The following KAZN variants were observed in gnomAD, a reference collection of about 807,000 sequenced individuals.
KAZN encodes kazrin.
KAZN carries 40 observed loss-of-function variants against 87.4 expected under a neutral mutation model. The ratio of observed to expected loss-of-function variants is 0.46; its 90% confidence interval spans 0.36 to 0.60. The LOEUF (loss-of-function observed/expected upper bound fraction) is 0.60. Ranked by LOEUF, KAZN falls within the 20% of genes least tolerant of loss-of-function variation. The pLI, the probability that KAZN is intolerant of heterozygous loss-of-function variation, is 0.00. For missense variants in KAZN, 898 were observed against 1,073.9 expected, an observed-to-expected ratio of 0.84 and a Z score of 2.29; for synonymous variants, 466 against 458.3, an observed-to-expected ratio of 1.02 and a Z score of -0.22.
intron 1 of KAZN, among the ~76,000 whole-genome samples, chr1:14,942,049 G>A (rs987011973): frequency 3.9e-5 from 6 of 152,196 alleles, no homozygotes; most frequent in South Asian, 2.1e-4. Context: ...GTCCCAAGTC[G>A]TGTTACAATG....
chr1:14,331,579 A>ATACACAT (rs1471635901), intron 2 of KAZN, among the ~76,000 whole-genome samples: 2 of 152,194 alleles, frequency 1.3e-5, no homozygotes, highest in Non-Finnish European at 2.9e-5. Flanking sequence ...AATTGGGTTA[A>ATACACAT]TTATAAGCTG....
At position 14,081,775 on chromosome 1, in the gene KAZN, C is replaced by T. The variant is rs536854975; in HGVS notation, c.92-98660C>T. Among the ~76,000 whole-genome samples the T allele has an allele frequency of 5.3e-5, 8 of 152,120 alleles. No individual in the cohort carries two copies. In the South Asian group the frequency reaches 1.7e-3, roughly 32 times the overall value. On this transcript the variant is annotated intron_variant, in intron 1 of 16. Coordinates refer to the KAZN transcript ENST00000636203. ...GTTTTGTTTTGTTTGTTTTTTGAGA[C>T]ATAGTCTCATTCTTTTGTCCAGTCT...
chr1:15,113,334 A>G (rs1384764905), intron 14 of KAZN: 1 of 152,164 alleles, frequency 6.6e-6, no homozygotes, highest in Non-Finnish European at 1.5e-5. Flanking sequence ...GCACAAATGT[A>G]CATATGGTAC....
chr1:14,532,405 G>A (rs1672254325), intron 2 of KAZN, among the ~76,000 whole-genome samples: 1 of 151,918 alleles, frequency 6.6e-6, no homozygotes. Context: ...CTTCCAAAGG[G>A]CAATGATTGT....
intron 1 of KAZN, among the ~76,000 whole-genome samples, chr1:13,899,644 CTT>C (rs35127542): frequency 0.2 from 27,208 of 136,836 alleles, 3,315 homozygotes; most frequent in Admixed American, 0.36. Flanking sequence ...CTTGGTTGTC[CTT>C]TTTTTTTTTT....
chr1:14,172,656 A>G (rs889893555), intron 1 of KAZN, among the ~76,000 whole-genome samples: 2 of 152,238 alleles, frequency 1.3e-5, no homozygotes, highest in Non-Finnish European at 2.9e-5. Context: ...TGGGTATTGC[A>G]CAGGGAGGAG....
chr1:14,433,332 A>C (rs1484697756), intron 2 of KAZN, among the ~76,000 whole-genome samples: 2 of 152,178 alleles, frequency 1.3e-5, no homozygotes, highest in South Asian at 4.1e-4. Context: ...TGCATTTAAA[A>C]ATAATTGCAT....
At position 15,094,068 on chromosome 1, in the gene KAZN, A is replaced by C; in HGVS notation, c.1223-112A>C. 1.2e-6 allele frequency: 1 copy of C among 856,610 alleles called. No homozygotes were observed. Among genetic ancestry groups the C allele is most frequent in the Non-Finnish European group, 1.8e-6 (1 of 553,516 alleles). 53.1% of individuals were successfully genotyped at this position (856,610 alleles called of 1,614,324 possible). A position where few individuals can be genotyped will look rare whatever the true frequency, so the allele number is the denominator to read the frequency against. Reference sequence around the variant, plus strand: ...AAGCCACTTTGATTTTGAAGAGAATACATGGAGGGGAGGATGTCCCCACCA... The same window carrying C: ...AAGCCACTTTGATTTTGAAGAGAATCCATGGAGGGGAGGATGTCCCCACCA... On this transcript the variant is annotated intron_variant, in intron 8 of 14. Transcript: ENST00000376030. This position sits in a 1 kb window ranked among gnomAD's most constrained non-coding sequence, Gnocchi z 4.5.
intron 2 of KAZN, among the ~76,000 whole-genome samples, chr1:14,257,659 G>T (rs1650624008): frequency 6.7e-6 from 1 of 150,230 alleles, no homozygotes; most frequent in Non-Finnish European, 1.5e-5. Flanking sequence ...AAGATGTAAG[G>T]AAGGGATCCA....
At chr1:13,919,071 A>T (rs1557720067) in intron 1 of KAZN, among the ~76,000 whole-genome samples, 1 of 152,236 alleles carries the variant, frequency 6.6e-6, no homozygotes, top group Admixed American at 6.5e-5. Context: ...TGAAAATTGA[A>T]GTACAGCATT....
intron 2 of KAZN, among the ~76,000 whole-genome samples, chr1:14,977,077 C>CAA (rs892388659): frequency 5.9e-5 from 9 of 152,054 alleles, no homozygotes; most frequent in African/African-American, 2.2e-4. Context: ...AACAAACAAA[C>CAA]AAACAAAAAA....
intron 2 of KAZN, among the ~76,000 whole-genome samples, chr1:14,565,294 T>C (rs1451806219): frequency 6.6e-6 from 1 of 152,226 alleles, no homozygotes; most frequent in African/African-American, 2.4e-5. Context: ...AAGTGTTTGT[T>C]TCCCAGTGCA....
intron 1 of KAZN, among the ~76,000 whole-genome samples, chr1:14,093,471 T>A (rs1644054782): frequency 6.6e-6 from 1 of 152,216 alleles, no homozygotes; most frequent in South Asian, 2.1e-4. Flanking sequence ...TGCTAAATAG[T>A]TACTAAATTA....
intron 1 of KAZN, among the ~76,000 whole-genome samples, chr1:14,607,137 A>G (rs1026925258): frequency 6.6e-6 from 1 of 152,222 alleles, no homozygotes; most frequent in African/African-American, 2.4e-5. Flanking sequence ...ACTTTGGTCT[A>G]CTTTATACAT....
chr1:13,998,691 A>G (rs950131128), intron 1 of KAZN, among the ~76,000 whole-genome samples: 1 of 152,218 alleles, frequency 6.6e-6, no homozygotes, highest in African/African-American at 2.4e-5. Context: ...TATGCACCCA[A>G]TACAGAAGCA....
chr1:13,956,864 A>C (rs1054282096), intron 1 of KAZN, among the ~76,000 whole-genome samples: 1 of 152,214 alleles, frequency 6.6e-6, no homozygotes. Context: ...CAAGGAAGGG[A>C]GGAATGTTTC....
intron 2 of KAZN, among the ~76,000 whole-genome samples, chr1:14,208,285 A>G (rs1038796672): frequency 4.7e-4 from 71 of 152,230 alleles, no homozygotes; most frequent in African/African-American, 1.7e-3. Context: ...TTTTAATTCT[A>G]GAAGTATTTC....
chr1:14,326,203 G>T (rs1182921787), intron 2 of KAZN, among the ~76,000 whole-genome samples: 2 of 151,070 alleles, frequency 1.3e-5, no homozygotes, highest in Admixed American at 6.6e-5. Flanking sequence ...CCCTACCCCC[G>T]CCCCACCGCC....
chr1:14,396,041 C>G, intron 2 of KAZN, among the ~76,000 whole-genome samples: 1 of 151,450 alleles, frequency 6.6e-6, no homozygotes, highest in East Asian at 2.0e-4. Flanking sequence ...AGTGGCGCGC[C>G]CCTGTAATCC....
Sources: gnomAD v4.1 joint callset for allele counts (sites outside exome capture counted in the v4.1 genomes callset) on GRCh38, gnomAD v4.1.1 for gene constraint, Gnocchi (gnomAD v3.1) non-coding constraint, MANE v1.5 for transcripts, NCBI Gene and HGNC (gene_info 2026-07-23, HGNC 2026-07-21) for gene names.